Variants in TMEM255B observed in about 807,000 individuals in gnomAD.
TMEM255B encodes transmembrane protein 255B, also known as family with sequence similarity 70, member B.
A neutral mutation model predicts 34.5 loss-of-function variants in TMEM255B; 35 were observed. The ratio of observed to expected loss-of-function variants is 1.01; its 90% CI spans 0.77 to 1.34. The LOEUF is 1.34. Ranked by LOEUF, TMEM255B falls within the 40% of genes most tolerant of loss-of-function variation. The pLI, the probability that TMEM255B is intolerant of heterozygous loss-of-function variation, is 0.00. For missense variants in TMEM255B, 432 were observed against 433.2 expected (o/e 1.00, Z 0.02); for synonymous variants, 206 against 201.2 (o/e 1.02, Z -0.20).
chr13:113,801,799 C>G lies in TMEM255B; in HGVS notation c.656C>G (p.Ala219Gly), dbSNP rs766131216. 6.2e-7 allele frequency: 1 copy of G among 1,608,022 alleles called. No homozygotes were observed. Among genetic ancestry groups the G allele is most frequent in the East Asian group, 2.2e-5 (1 of 44,676 alleles). ...LGIITAAVLG[A>G]FKDMVPLSQL... is the part of the protein sequence containing the mutation. ...ATCATCACCGCCGCCGTCCTGGGGGCCTTCAAGGACATGGTGAGGCCCCTT... is the reference window on the plus strand; with the variant it reads ...ATCATCACCGCCGCCGTCCTGGGGGGCTTCAAGGACATGGTGAGGCCCCTT... The change falls in exon 7 of 9, where the codon GCC becomes GGC. Residue 219 changes from alanine (A) to glycine (G), a missense_variant. By Grantham distance (60) the Ala-to-Gly change is moderately conservative. Transcript: ENST00000375353.
In TMEM255B at chr13:113,816,209, T is replaced by C. The variant is rs1241600259; in HGVS notation, c.*4306T>C. 1.7e-5 allele frequency: 2 copies of C among 118,224 alleles called. No homozygotes were observed. Among genetic ancestry groups the C allele is most frequent in the African/African-American group, 4.8e-5 (1 of 21,050 alleles). 7.3% of individuals were successfully genotyped at this position (118,224 alleles called of 1,614,324 possible). Reference sequence around the variant, plus strand: ...AAGCGTGTTTGCAGCGTGTTCTGGATGGGGAGAGGTGCAGTCACTGGTCAG... The same window carrying C: ...AAGCGTGTTTGCAGCGTGTTCTGGACGGGGAGAGGTGCAGTCACTGGTCAG... On this transcript the variant is annotated 3_prime_UTR_variant, in exon 9 of 9. Coordinates refer to ENST00000375353, the MANE Select transcript of TMEM255B (RefSeq NM_182614.4).
intron 5 of TMEM255B, chr13:113,800,049 C>T (rs2051014469): frequency 1.7e-6 from 2 of 1,205,854 alleles, no homozygotes; most frequent in South Asian, 1.5e-5. Flanking sequence ...TCTCCAGCAG[C>T]TGCCGGGAGG....
chr13:113,780,897 A>C (rs2050656617), intron 3 of TMEM255B, among the ~76,000 whole-genome samples: 1 of 152,236 alleles, frequency 6.6e-6, no homozygotes, highest in Non-Finnish European at 1.5e-5. Context: ...GATAATTATT[A>C]CTGATAATGT....
intron 4 of TMEM255B, among the ~76,000 whole-genome samples, chr13:113,798,949 T>C (rs2050992973): frequency 6.6e-6 from 1 of 152,192 alleles, no homozygotes; most frequent in African/African-American, 2.4e-5. Context: ...AAATCCTTCT[T>C]GCTACCTTCC....
chr13:113,759,952 C>G (rs1594608031), intron 1 of TMEM255B, among the ~76,000 whole-genome samples: 2 of 152,334 alleles, frequency 1.3e-5, no homozygotes, highest in Middle Eastern at 6.8e-3. Context: ...TGCGTGTTCA[C>G]CAGTTCGCAA....
chr13:113,781,766 G>A (rs548931758), intron 3 of TMEM255B, among the ~76,000 whole-genome samples: 4 of 152,244 alleles, frequency 2.6e-5, no homozygotes, highest in Admixed American at 1.3e-4. Context: ...ATCATTTCTT[G>A]CATAAATTCC....
At chr13:113,799,684 G>A in intron 5 of TMEM255B, 1 of 679,780 alleles carries the variant, frequency 1.5e-6, no homozygotes, top group South Asian at 1.6e-5. Context: ...GTTCTGTATG[G>A]CTCTTCCAAT....
rs148027701 is a variant in TMEM255B at position 113,771,599 on chromosome 13, A to C, written c.252+2439A>C. Among the ~76,000 whole-genome samples the C allele has an allele frequency of 1.8e-3, 268 of 152,280 alleles. 1 individual carries two copies. The highest frequency in any genetic ancestry group is 5.9e-3 in the African/African-American group (246 of 41,576). ...GAGGCTGAGGCAGGAGAATCACTTG[A>C]ACCTGGGAGGCAGAGGTTGCGGTGA... On this transcript the variant is annotated intron_variant, in intron 3 of 8. Coordinates refer to ENST00000375353, the MANE Select transcript of TMEM255B (RefSeq NM_182614.4).
intron 2 of TMEM255B, among the ~76,000 whole-genome samples, chr13:113,766,764 A>G (rs1212401750): frequency 6.6e-6 from 1 of 152,210 alleles, no homozygotes; most frequent in African/African-American, 2.4e-5. Flanking sequence ...CAAAGATCGT[A>G]TTAGTGACGT....
In TMEM255B at chr13:113,801,786, G is replaced by A. The variant is rs1594161925; in HGVS notation, c.643G>A (p.Ala215Thr). ...LGLFLGIITA[A>T]VLGAFKDMVP... ...CCTGTTCCTGGGCATCATCACCGCCGCCGTCCTGGGGGCCTTCAAGGACAT... is the reference window on the plus strand; with the variant it reads ...CCTGTTCCTGGGCATCATCACCGCCACCGTCCTGGGGGCCTTCAAGGACAT... Residue 215 changes from alanine (A) to threonine (T), a missense_variant, in exon 7 of 9, where the codon GCC becomes ACC. Ala to Thr is a moderately conservative substitution (Grantham distance 58, BLOSUM62 0). Coordinates refer to ENST00000375353, the MANE Select transcript of TMEM255B (RefSeq NM_182614.4). The A allele has an allele frequency of 1.2e-6, 2 of 1,611,164 alleles. No homozygotes were observed. Among genetic ancestry groups the A allele is most frequent in the East Asian group, 2.2e-5 (1 of 44,786 alleles).
chr13:113,785,501 T>C (rs61966742), intron 3 of TMEM255B, among the ~76,000 whole-genome samples: 62,817 of 152,162 alleles, frequency 0.41, 14,289 homozygotes, highest in East Asian at 0.72. Flanking sequence ...CTTTAGCAAA[T>C]GCATGAGCAA....
In TMEM255B at chr13:113,777,632, C is replaced by T. The variant is rs571896460; in HGVS notation, c.252+8472C>T. ...TTCAGCACCTAGAACAGCTCCCGCC[C>T]GGGTCCACCAGGCTTTGCTCAAAGG... On this transcript the variant is annotated intron_variant, in intron 3 of 8. Transcript: ENST00000375353. Among the ~76,000 whole-genome samples, 8 of 152,338 alleles carry T rather than the reference C, an allele frequency of 5.3e-5. No homozygotes were observed. In the East Asian group the frequency reaches 5.8e-4, roughly 11 times the overall value.
intron 3 of TMEM255B, among the ~76,000 whole-genome samples, chr13:113,777,500 G>C (rs1403311100): frequency 2.0e-5 from 3 of 152,190 alleles, no homozygotes; most frequent in Admixed American, 1.3e-4. Context: ...GGGCCGAGGG[G>C]AGGCGCGGTG....
At chr13:113,761,100 G>C in intron 1 of TMEM255B, 1 of 801,960 alleles carries the variant, frequency 1.2e-6, no homozygotes, top group South Asian at 5.7e-5. Context: ...ATTGACGGCT[G>C]AGTGATTACA....
In TMEM255B at chr13:113,812,113, G is replaced by T; in HGVS notation, c.*210G>T. The T allele has an allele frequency of 1.6e-6, 1 of 624,822 alleles. No homozygotes were observed. The highest frequency in any genetic ancestry group is 2.1e-5 in the South Asian group (1 of 48,022). The allele number at this position is 624,822 out of a possible 1,614,324, so 38.7% of individuals were successfully genotyped here. On this transcript the variant is annotated 3_prime_UTR_variant, in exon 9 of 9. Transcript: ENST00000375353. ...TCCAGACCCAGGCTGGTGACACCTT[G>T]GCTTGGGCTCTGCTCACATCAAATG...
chr13:113,783,154 C>T (rs1453911178), intron 3 of TMEM255B, among the ~76,000 whole-genome samples: 2 of 152,144 alleles, frequency 1.3e-5, no homozygotes, highest in African/African-American at 4.8e-5. Flanking sequence ...AGCATCGCTT[C>T]AGTGAGGTGT....
intron 3 of TMEM255B, among the ~76,000 whole-genome samples, chr13:113,773,056 CCTT>C (rs1483051234): frequency 8.5e-5 from 13 of 152,050 alleles, no homozygotes; most frequent in Non-Finnish European, 1.5e-4. Context: ...GTTATTTAGA[CCTT>C]CTTTAGTTTT....
chr13:113,809,424 T>C (rs1180694289), intron 8 of TMEM255B, among the ~76,000 whole-genome samples: 1 of 124,654 alleles, frequency 8.0e-6, no homozygotes, highest in Non-Finnish European at 1.6e-5. Flanking sequence ...TCCATGGTTC[T>C]TGGGGATTTA....
intron 5 of TMEM255B, among the ~76,000 whole-genome samples, chr13:113,800,286 CAGG>C (rs2051025482): frequency 1.1e-5 from 1 of 91,402 alleles, no homozygotes; most frequent in Non-Finnish European, 2.1e-5. Context: ...GTGTGTGTGT[CAGG>C]GGAGGCGTCC....
Sources: gnomAD v4.1 joint callset for allele counts (sites outside exome capture counted in the v4.1 genomes callset) on GRCh38, gnomAD v4.1.1 for gene constraint, MANE v1.5 for transcripts, NCBI Gene and HGNC (gene_info 2026-07-23, HGNC 2026-07-21) for gene names.